The following CFAP61 variants were observed in gnomAD, a reference collection of about 807,000 sequenced individuals.
The protein encoded by CFAP61 is cilia and flagella associated protein 61.
Under a neutral mutation model 135.6 loss-of-function variants are expected in CFAP61, and 107 were observed. The ratio of observed to expected loss-of-function variants is 0.79; its 90% CI spans 0.67 to 0.93. The LOEUF is 0.93. Among genes scored for constraint, CFAP61 ranks in the 40% least tolerant of loss-of-function variants. The pLI is 0.00. For missense variants in CFAP61, 1,507 were observed against 1,556.2 expected (o/e 0.97, Z 0.53); for synonymous variants, 575 against 578.5 (o/e 0.99, Z 0.09).
At chr20:20,067,761 TTATATATGTATTTATTATA>T (rs2045401837) in intron 2 of CFAP61, among the ~76,000 whole-genome samples, 1 of 103,352 alleles carries the variant, frequency 9.7e-6, no homozygotes, top group African/African-American at 2.9e-5. Flanking sequence ...ATTTATATTA[TTATATATGTATTTATTATA>T]TATATATATA....
chr20:20,105,809 T>A (rs1466155445), intron 8 of CFAP61, among the ~76,000 whole-genome samples: 1 of 13,950 alleles, frequency 7.2e-5, no homozygotes, highest in Non-Finnish European at 1.5e-4. Context: ...TTTTTTTGAG[T>A]TTTTTTTTTT....
At chr20:20,279,821 A>G (rs1478936136) in intron 22 of CFAP61, among the ~76,000 whole-genome samples, 1 of 152,048 alleles carries the variant, frequency 6.6e-6, no homozygotes, top group Non-Finnish European at 1.5e-5. Context: ...TGCAGATGAC[A>G]TTTCCCAGGT....
chr20:20,288,500 G>A (rs2147063031), intron 22 of CFAP61, 109 bp from the exon 23 acceptor site: 1 of 808,394 alleles, frequency 1.2e-6, no homozygotes, highest in Non-Finnish European at 2.0e-6. Flanking sequence ...CTTTTAGTAT[G>A]TGTATTTTTG....
chr20:20,178,285 C>A (rs1002661837), intron 13 of CFAP61, among the ~76,000 whole-genome samples: 1 of 152,156 alleles, frequency 6.6e-6, no homozygotes, highest in Non-Finnish European at 1.5e-5. Context: ...TAAATGCTTC[C>A]TTTATGATAC....
At chr20:20,168,949 G>C (rs943774908) in intron 12 of CFAP61, among the ~76,000 whole-genome samples, 1 of 152,232 alleles carries the variant, frequency 6.6e-6, no homozygotes, top group Non-Finnish European at 1.5e-5. Flanking sequence ...AGGTCACTTA[G>C]TAAGCAAGGG....
At chr20:20,323,110 C>T (rs1000765136) in intron 25 of CFAP61, 2 of 985,326 alleles carry the variant, frequency 2.0e-6, no homozygotes, top group East Asian at 1.1e-4. Flanking sequence ...AGCTACTCTG[C>T]CACTCGACTT....
intron 2 of CFAP61, among the ~76,000 whole-genome samples, chr20:20,061,837 G>C (rs1288627132): frequency 6.6e-6 from 1 of 152,194 alleles, no homozygotes; most frequent in Non-Finnish European, 1.5e-5. Context: ...CCAGGCCCAA[G>C]CGTTAAGATG....
chr20:20,286,100 C>T (rs2054573767), intron 22 of CFAP61, among the ~76,000 whole-genome samples: 1 of 151,360 alleles, frequency 6.6e-6, no homozygotes, highest in Non-Finnish European at 1.5e-5. Flanking sequence ...AATACACAAG[C>T]TACCCAAACT....
chr20:20,173,031 C>T lies in CFAP61; in HGVS notation c.1385+3571C>T, dbSNP rs1464954456. Among the ~76,000 whole-genome samples, 3 of 152,166 alleles carry T rather than the reference C, an allele frequency of 2.0e-5. No individual in the cohort carries two copies. The East Asian group carries it at 5.8e-4, about 29-fold the overall frequency. On this transcript the variant is annotated intron_variant, in intron 13 of 26. Coordinates refer to ENST00000245957, the MANE Select transcript of CFAP61 (RefSeq NM_015585.4). ...TACAGAATGTCACAAAGTTGGAATC[C>T]TGTTAGTAGCCTTTTCAAATTTGCT...
At chr20:20,147,000 T>C (rs760807382) in intron 9 of CFAP61, among the ~76,000 whole-genome samples, 9 of 152,216 alleles carry the variant, frequency 5.9e-5, no homozygotes, top group Admixed American at 5.9e-4. Flanking sequence ...ACATATGATA[T>C]TTGCTTTTCC....
At position 20,307,070 on chromosome 20, in the gene CFAP61, G is replaced by A. The variant is rs533698650; in HGVS notation, c.3422+8684G>A. Among the ~76,000 whole-genome samples, 8 of 152,168 alleles carry A rather than the reference G, an allele frequency of 5.3e-5. No individual in the cohort carries two copies. The East Asian group carries it at 5.8e-4, about 11-fold the overall frequency. On this transcript the variant is annotated intron_variant, in intron 25 of 26. Coordinates refer to ENST00000245957, the MANE Select transcript of CFAP61 (RefSeq NM_015585.4). ...CACCTCTCAGTTATCCATAGCCCCC[G>A]CCCTTGTCTTCTTAGCTGCCACCCC...
chr20:20,180,174 G>A (rs1326361835), intron 13 of CFAP61, among the ~76,000 whole-genome samples: 1 of 151,886 alleles, frequency 6.6e-6, no homozygotes, highest in Non-Finnish European at 1.5e-5. Flanking sequence ...AATTTACAAG[G>A]GAAAAACAAC....
chr20:20,185,728 A>G (rs895547082), intron 13 of CFAP61, among the ~76,000 whole-genome samples: 1 of 152,230 alleles, frequency 6.6e-6, no homozygotes, highest in Non-Finnish European at 1.5e-5. Flanking sequence ...AGAGAGGCAT[A>G]TTAAACTCTA....
At chr20:20,247,327 G>C (rs1351749315) in intron 19 of CFAP61, among the ~76,000 whole-genome samples, 1 of 152,212 alleles carries the variant, frequency 6.6e-6, no homozygotes, top group Non-Finnish European at 1.5e-5. Flanking sequence ...CATGTTGCGT[G>C]TGTTTCAGGA....
rs1555835314 is a variant in CFAP61 at position 20,067,663 on chromosome 20, A to AAT, written c.144-3182_144-3181dup. ...TCTCAAAATATATATATATATATAT[A>AAT]ATATATATATTTATATTATATATAA... On this transcript the variant is annotated intron_variant, in intron 2 of 26. Coordinates refer to ENST00000245957, the MANE Select transcript of CFAP61 (RefSeq NM_015585.4). Among the ~76,000 whole-genome samples, 85 of 138,608 alleles carry AAT rather than the reference A, an allele frequency of 6.1e-4. No homozygotes were observed. The Middle Eastern group carries it at 0.015, about 24-fold the overall frequency. The allele number at this position is 138,608 out of a possible 152,430, so 90.9% of individuals were successfully genotyped here. A position where few individuals can be genotyped will look rare whatever the true frequency, so the allele number is the denominator to read the frequency against.
rs549546017 is a variant in CFAP61 at position 20,173,116 on chromosome 20, T to G, written c.1385+3656T>G. The stretch of plus-strand genomic sequence containing the variant: ...TTTCATGACTGGCTAGCTCATTTCT[T>G]TGTAGCCCTGGATAATATTCTGTTC... On this transcript the variant is annotated intron_variant, in intron 13 of 26. Coordinates refer to ENST00000245957, the MANE Select transcript of CFAP61 (RefSeq NM_015585.4). 6.4e-4 allele frequency among the ~76,000 whole-genome samples: 98 copies of G among 152,328 alleles called. 1 individual carries two copies. The highest frequency in any genetic ancestry group is 3.5e-3 in the South Asian group (17 of 4,830).
rs765065619 is a variant in CFAP61, at chr20:20,056,604, T to C, written c.-36-14T>C. On this transcript the variant is annotated splice_polypyrimidine_tract_variant and intron_variant, in intron 1 of 26. Coordinates refer to ENST00000245957, the MANE Select transcript of CFAP61 (RefSeq NM_015585.4). The stretch of plus-strand genomic sequence containing the variant: ...GTATTATAACCAAACTGGCTTATCA[T>C]ATCAGATTAATAGTGGACTTTTTTC... The C allele has an allele frequency of 5.7e-6, 9 of 1,586,328 alleles. No homozygotes were observed. Among genetic ancestry groups the C allele is most frequent in the South Asian group, 3.4e-5 (3 of 88,694 alleles).
At chr20:20,157,322 C>T (rs1441490680) in intron 9 of CFAP61, among the ~76,000 whole-genome samples, 3 of 152,180 alleles carry the variant, frequency 2.0e-5, no homozygotes, top group Admixed American at 6.5e-5. Flanking sequence ...ATCCGCCCAC[C>T]TTGGCCTCCC....
chr20:20,230,026 TAAG>T (rs765385304), intron 18 of CFAP61, among the ~76,000 whole-genome samples: 14 of 149,040 alleles, frequency 9.4e-5, no homozygotes, highest in African/African-American at 3.2e-4. Flanking sequence ...TTATAGCAGT[TAAG>T]AAGTTATAAA....
Sources: gnomAD v4.1 joint callset for allele counts (sites outside exome capture counted in the v4.1 genomes callset) on GRCh38, gnomAD v4.1.1 for gene constraint, MANE v1.5 for transcripts, NCBI Gene and HGNC (gene_info 2026-07-23, HGNC 2026-07-21) for gene names.